The following KMT2C variants were observed in gnomAD, a reference collection of about 807,000 sequenced individuals.
KMT2C encodes histone-lysine N-methyltransferase 2C.
Under a neutral mutation model 507.9 loss-of-function variants are expected in KMT2C, and 88 were observed. The observed-to-expected ratio is 0.17, with a 90% CI of 0.15 to 0.21. KMT2C has a LOEUF of 0.21. Ranked by LOEUF, KMT2C falls within the 10% of genes least tolerant of loss-of-function variation. The probability of loss-of-function intolerance (pLI) is 1.00; values close to 1 mark genes in which losing one functional copy is unlikely to be tolerated. For missense variants in KMT2C, 4,954 were observed against 5,957.8 expected (o/e 0.83, Z 5.55); for synonymous variants, 2,049 against 2,080.8 (o/e 0.98, Z 0.42).
intron 42 of KMT2C, among the ~76,000 whole-genome samples, chr7:152,165,040 T>C (rs2092667619): frequency 6.6e-6 from 1 of 152,260 alleles, no homozygotes; most frequent in Admixed American, 6.5e-5. Flanking sequence ...TAATACTTTC[T>C]GCAAATAATC....
chr7:152,433,828 AG>A (rs2097888223), intron 1 of KMT2C, among the ~76,000 whole-genome samples: 1 of 152,272 alleles, frequency 6.6e-6, no homozygotes, highest in Non-Finnish European at 1.5e-5. Context: ...TTTCAAAAGT[AG>A]GGTGTGTGCG....
chr7:152,296,330 AG>A (rs2096495608), intron 6 of KMT2C, among the ~76,000 whole-genome samples: 1 of 151,310 alleles, frequency 6.6e-6, no homozygotes, highest in East Asian at 2.0e-4. Flanking sequence ...GCTACTCCAG[AG>A]GCTGAGGCAA....
At chr7:152,282,649 T>C (rs2096239861) in intron 6 of KMT2C, among the ~76,000 whole-genome samples, 1 of 152,016 alleles carries the variant, frequency 6.6e-6, no homozygotes, top group African/African-American at 2.4e-5. Context: ...CTCACCTATG[T>C]TGTTACTAGA....
In KMT2C at chr7:152,147,661, C is replaced by A. The variant is rs1043727041; in HGVS notation, c.13894+372G>T. On this transcript the variant is annotated intron_variant, in intron 52 of 58. Coordinates refer to ENST00000262189, the MANE Select transcript of KMT2C (RefSeq NM_170606.3). ...GGCGGAGGTTGCAGGGAACTGAGAT[C>A]GCGCCATTGCAGTCCAGCCTGTGCA... 6.9e-5 allele frequency among the ~76,000 whole-genome samples: 10 copies of A among 144,672 alleles called. 1 individual carries two copies. Among genetic ancestry groups the A allele is most frequent in the Admixed American group, 3.5e-4 (5 of 14,130 alleles). The allele number at this position is 144,672 out of a possible 152,430, so 94.9% of individuals were successfully genotyped here. A position where few individuals can be genotyped will look rare whatever the true frequency, so the allele number is the denominator to read the frequency against.
chr7:152,204,909 T>C (rs2094256978), intron 25 of KMT2C, among the ~76,000 whole-genome samples, 197 bp downstream of exon 25: 1 of 152,038 alleles, frequency 6.6e-6, no homozygotes, highest in Non-Finnish European at 1.5e-5. Context: ...ACCTGATTAC[T>C]GTATTACAGA....
At chr7:152,172,117 T>A (rs1424236388) in intron 39 of KMT2C, among the ~76,000 whole-genome samples, 1 of 152,236 alleles carries the variant, frequency 6.6e-6, no homozygotes, top group Non-Finnish European at 1.5e-5. Flanking sequence ...ATATAGAATA[T>A]GTTTTTAAAT....
intron 2 of KMT2C, among the ~76,000 whole-genome samples, chr7:152,336,317 A>G (rs933582082): frequency 6.6e-6 from 1 of 152,206 alleles, no homozygotes; most frequent in African/African-American, 2.4e-5. Context: ...AGTATCTGTC[A>G]AAGTCAAGGC....
At chr7:152,312,875 A>C (rs984294287) in intron 4 of KMT2C, among the ~76,000 whole-genome samples, 1 of 152,216 alleles carries the variant, frequency 6.6e-6, no homozygotes, top group African/African-American at 2.4e-5. Context: ...TATTGAATAT[A>C]GATCATAACT....
Position 152,372,789 on chromosome 7 carries a change from C to T in KMT2C, c.162-14114G>A, listed in dbSNP as rs185709922. 1.3e-3 allele frequency among the ~76,000 whole-genome samples: 194 copies of T among 152,196 alleles called. 1 individual carries two copies. The highest frequency in any genetic ancestry group is 1.9e-3 in the Admixed American group (29 of 15,278). On this transcript the variant is annotated intron_variant, in intron 1 of 58. Transcript: ENST00000262189. ...GTGGGGAACTTAAATACCCCACTTT[C>T]GACAACGGATAAATAATCCAGACAA... is the stretch of plus-strand genomic sequence containing the variant.
At chr7:152,191,010 AAAGAT>A (rs966988662) in intron 31 of KMT2C, among the ~76,000 whole-genome samples, 2 of 152,202 alleles carry the variant, frequency 1.3e-5, no homozygotes, top group African/African-American at 2.4e-5. Context: ...TAAAAGGAAG[AAAGAT>A]AAGAAACATG....
intron 2 of KMT2C, among the ~76,000 whole-genome samples, chr7:152,342,535 G>C (rs150255057): frequency 6.6e-6 from 1 of 152,118 alleles, no homozygotes; most frequent in Non-Finnish European, 1.5e-5. Context: ...AGGGCAAACA[G>C]GTACCCTCAG....
chr7:152,148,927 G>C lies in KMT2C; in HGVS notation c.13000C>G (p.Arg4334Gly), dbSNP rs1398375188. 6.2e-7 allele frequency: 1 copy of C among 1,612,370 alleles called. No individual in the cohort carries two copies. Among genetic ancestry groups the C allele is most frequent in the Non-Finnish European group, 8.5e-7 (1 of 1,179,186 alleles). The change falls in exon 52 of 59, where the codon CGG (arginine) becomes GGG (glycine). Residue 4334 changes from arginine (R) to glycine (G), a missense_variant. By Grantham distance (125) the Arg-to-Gly change is moderately radical (BLOSUM62 -2). Around this residue, in one of 29 missense-constraint regions of KMT2C, gnomAD observed 417 missense variants for 461.1 expected, o/e 0.90. Coordinates refer to ENST00000262189, the MANE Select transcript of KMT2C (RefSeq NM_170606.3). The surrounding 1 kb of genome is among the most constrained non-coding windows in gnomAD (Gnocchi z 7.1). ...ELKVTVKLKP[R>G]LRAVHGGFED... ...AACCCACCATGGACAGCTCTTAGCC[G>C]AGGCTTCAGCTTGACTGTCACCTTC...
At chr7:152,201,200 T>C (rs888817330) in intron 26 of KMT2C, among the ~76,000 whole-genome samples, 1 of 151,820 alleles carries the variant, frequency 6.6e-6, no homozygotes, top group Non-Finnish European at 1.5e-5. Context: ...TCCCTGTAGA[T>C]AACATAAAGA....
intron 1 of KMT2C, among the ~76,000 whole-genome samples, chr7:152,380,270 A>G (rs893721678): frequency 6.9e-6 from 1 of 145,190 alleles, no homozygotes; most frequent in African/African-American, 2.6e-5. Flanking sequence ...AACAAAAAAC[A>G]AAACAAAAAA....
intron 1 of KMT2C, among the ~76,000 whole-genome samples, chr7:152,386,177 T>C (rs1269126392): frequency 1.3e-5 from 2 of 151,330 alleles, no homozygotes; most frequent in Admixed American, 1.3e-4. Flanking sequence ...CATGACTCAC[T>C]CTGAGCCTTA....
rs77804878 is a variant in KMT2C, at chr7:152,150,668, C to T, written c.12774+232G>A. On this transcript the variant is annotated intron_variant, in intron 51 of 58. Transcript: ENST00000262189. Reference sequence around the variant, plus strand: ...GATTTTAATATTAGTGTTCTGTTTACTGAACTTTTAAAACATAACTCTGCC... The same window carrying T: ...GATTTTAATATTAGTGTTCTGTTTATTGAACTTTTAAAACATAACTCTGCC... Among the ~76,000 whole-genome samples, 1,162 of 152,256 alleles carry T rather than the reference C, an allele frequency of 7.6e-3. 13 individuals are homozygous for T. Among genetic ancestry groups the T allele is most frequent in the African/African-American group, 0.027 (1,120 of 41,542 alleles).
chr7:152,317,332 C>T (rs771542018), intron 3 of KMT2C, among the ~76,000 whole-genome samples: 6 of 151,806 alleles, frequency 4.0e-5, no homozygotes, highest in African/African-American at 1.5e-4. Flanking sequence ...TTTTTTAATA[C>T]GAGGTCAAGG....
intron 1 of KMT2C, among the ~76,000 whole-genome samples, chr7:152,398,211 T>C (rs562563248): frequency 1.1e-4 from 16 of 152,326 alleles, no homozygotes; most frequent in African/African-American, 3.8e-4. Flanking sequence ...TGAAATATTG[T>C]TCCATAAGGG....
intron 23 of KMT2C, among the ~76,000 whole-genome samples, chr7:152,218,049 T>C (rs1228347614): frequency 2.0e-5 from 3 of 152,252 alleles, no homozygotes; most frequent in African/African-American, 4.8e-5. Flanking sequence ...ACCTGTTCAA[T>C]TGTATCTGAA....
Sources: gnomAD v4.1 joint callset for allele counts (sites outside exome capture counted in the v4.1 genomes callset) on GRCh38, gnomAD v4.1.1 for gene constraint, gnomAD v4.1.1 regional missense constraint, Gnocchi (gnomAD v3.1) non-coding constraint, MANE v1.5 for transcripts, NCBI Gene and HGNC (gene_info 2026-07-23, HGNC 2026-07-21) for gene names.